Variants in FAM149B1 observed in about 807,000 individuals in gnomAD.
The protein encoded by FAM149B1 is primary cilium assembly protein FAM149B1.
FAM149B1 carries 56 observed loss-of-function variants against 75.3 expected under a neutral mutation model. That is an observed-to-expected ratio of 0.74 (90% CI 0.60 to 0.93). The LOEUF (loss-of-function observed/expected upper bound fraction) is 0.93. FAM149B1 is among the 40% of genes least tolerant of loss of function. The probability of loss-of-function intolerance (pLI) is 0.00; values close to 1 mark genes in which losing one functional copy is unlikely to be tolerated. For synonymous variants in FAM149B1, 259 were observed against 256.1 expected, an observed-to-expected ratio of 1.01 and a Z score of -0.11; for missense variants, 639 against 708.4, an observed-to-expected ratio of 0.90 and a Z score of 1.11.
chr10:73,210,359 T>C lies in FAM149B1; in HGVS notation c.819T>C (p.Tyr273=). The C allele has an allele frequency of 1.3e-6, 2 of 1,551,640 alleles. No homozygotes were observed. Among genetic ancestry groups the C allele is most frequent in the Non-Finnish European group, 8.7e-7 (1 of 1,146,862 alleles). The change falls in exon 7 of 14, where the codon TAT becomes TAC. Residue 273 remains tyrosine, a synonymous_variant. Transcript: ENST00000242505. The part of the protein sequence containing the change: ...FYCMKEDVLA[Y]VFDSVWCKVV... ...GCATGAAAGAAGATGTCCTTGCTTA[T>C]GTGTTTGACAGTGTATGGTGCAAGG...
chr10:73,174,843 G>T, intron 2 of FAM149B1, 52 bp downstream of exon 2: 1 of 1,317,350 alleles, frequency 7.6e-7, no homozygotes, highest in Non-Finnish European at 1.1e-6. Flanking sequence ...CATGGCAGAG[G>T]TTTTGTTTTT....
In FAM149B1 at chr10:73,232,862, G is replaced by C. The variant is rs878934997; in HGVS notation, c.1128-77G>C. On this transcript the variant is annotated intron_variant, in intron 9 of 13. Transcript: ENST00000242505. Reference sequence around the variant, plus strand: ...CCCTAAATGTAGTTTCTAGTCTAAGGCTTTTTACCCCGTTAGTCTTGTCTT... The same window carrying C: ...CCCTAAATGTAGTTTCTAGTCTAAGCCTTTTTACCCCGTTAGTCTTGTCTT... 4 of 876,250 alleles carry C rather than the reference G, an allele frequency of 4.6e-6. No individual in the cohort carries two copies. The South Asian group carries it at 5.9e-5, about 13-fold the overall frequency. 54.3% of individuals were successfully genotyped at this position (876,250 alleles called of 1,614,324 possible).
At chr10:73,236,834 G>A (rs2043834452) in intron 12 of FAM149B1, among the ~76,000 whole-genome samples, 1 of 151,254 alleles carries the variant, frequency 6.6e-6, no homozygotes, top group African/African-American at 2.4e-5. Flanking sequence ...TCTCACCTCA[G>A]CCTCCTGAGT....
At chr10:73,238,326 G>A (rs1260692377) in intron 12 of FAM149B1, among the ~76,000 whole-genome samples, 2 of 152,152 alleles carry the variant, frequency 1.3e-5, no homozygotes, top group African/African-American at 2.4e-5. Flanking sequence ...CAACCTGGGC[G>A]ACAGAGCGAG....
Position 73,187,422 on chromosome 10 carries a change from C to G in FAM149B1, c.283-5134C>G, listed in dbSNP as rs907845316. 1.7e-4 allele frequency among the ~76,000 whole-genome samples: 22 copies of G among 128,290 alleles called. No individual in the cohort carries two copies. The South Asian group carries it at 5.4e-3, about 31-fold the overall frequency. 84.2% of individuals were successfully genotyped at this position (128,290 alleles called of 152,430 possible). A position where few individuals can be genotyped will look rare whatever the true frequency, so the allele number is the denominator to read the frequency against. On this transcript the variant is annotated intron_variant, in intron 3 of 13. Transcript: ENST00000242505. ...AAAAAAAAAAAAAAAAAAATTGAAA[C>G]AGAAATAGAAAATTAGAGGACATAT...
Position 73,241,294 on chromosome 10 carries a change from C to T in FAM149B1, c.*275C>T. ...CCCAAAGATGCAACAGTGAATAATA[C>T]CCAAATCACTGCTCATGTTATCTCT... On this transcript the variant is annotated 3_prime_UTR_variant, in exon 14 of 14. Transcript: ENST00000242505. 2.4e-6 allele frequency: 1 copy of T among 413,350 alleles called. No individual in the cohort carries two copies. The highest frequency in any genetic ancestry group is 2.2e-5 in the South Asian group (1 of 46,084). The allele number at this position is 413,350 out of a possible 1,614,324, so 25.6% of individuals were successfully genotyped here. A position where few individuals can be genotyped will look rare whatever the true frequency, so the allele number is the denominator to read the frequency against.
chr10:73,175,084 C>A (rs1227646954), intron 2 of FAM149B1, among the ~76,000 whole-genome samples: 1 of 152,058 alleles, frequency 6.6e-6, no homozygotes, highest in African/African-American at 2.4e-5. Flanking sequence ...AAAAACAGAA[C>A]ATGGAGCTTG....
intron 4 of FAM149B1, among the ~76,000 whole-genome samples, 194 bp downstream of exon 4, chr10:73,192,892 C>G (rs2042716803): frequency 6.6e-6 from 1 of 152,184 alleles, no homozygotes; most frequent in Non-Finnish European, 1.5e-5. Flanking sequence ...CCTTAACTAA[C>G]AATATGTGAT....
At chr10:73,224,851 T>A (rs1181130263) in intron 7 of FAM149B1, among the ~76,000 whole-genome samples, 2 of 152,122 alleles carry the variant, frequency 1.3e-5, no homozygotes, top group Non-Finnish European at 2.9e-5. Context: ...TTGAACTAGA[T>A]AGAGGTAAGG....
intron 5 of FAM149B1, among the ~76,000 whole-genome samples, chr10:73,204,873 G>C (rs1268553509): frequency 7.1e-6 from 1 of 140,714 alleles, no homozygotes; most frequent in East Asian, 2.1e-4. Flanking sequence ...TGCCTCCTGG[G>C]TTCACGCCAT....
intron 5 of FAM149B1, among the ~76,000 whole-genome samples, chr10:73,202,553 C>T (rs919608514): frequency 2.3e-4 from 35 of 152,018 alleles, no homozygotes; most frequent in African/African-American, 7.7e-4. Flanking sequence ...CTTCCTCAGC[C>T]TCCCAAGTAG....
At chr10:73,171,990 T>TA (rs1175333422) in intron 1 of FAM149B1, among the ~76,000 whole-genome samples, 3 of 152,186 alleles carry the variant, frequency 2.0e-5, no homozygotes, top group Non-Finnish European at 4.4e-5. Context: ...AAACTGCAGA[T>TA]ACTGCCATTT....
At chr10:73,194,811 T>G (rs1465148028) in intron 5 of FAM149B1, among the ~76,000 whole-genome samples, 1 of 151,808 alleles carries the variant, frequency 6.6e-6, no homozygotes, top group Non-Finnish European at 1.5e-5. Context: ...AGCCTCCTGA[T>G]TAGCTGGGAT....
intron 7 of FAM149B1, among the ~76,000 whole-genome samples, chr10:73,210,764 A>C (rs897041510): frequency 6.6e-6 from 1 of 152,102 alleles, no homozygotes. Flanking sequence ...TCAAGTCTGC[A>C]GTGAGCTATG....
At chr10:73,195,612 G>C (rs2042786356) in intron 5 of FAM149B1, among the ~76,000 whole-genome samples, 2 of 152,076 alleles carry the variant, frequency 1.3e-5, no homozygotes, top group Admixed American at 6.6e-5. Flanking sequence ...AATCTTCAAG[G>C]AAATAAGAAA....
intron 11 of FAM149B1, 114 bp downstream of exon 11, chr10:73,235,054 AAC>A (rs746797586): frequency 1.7e-4 from 255 of 1,464,748 alleles, no homozygotes; most frequent in Non-Finnish European, 2.2e-4. Flanking sequence ...CAAAAGTACA[AAC>A]ACAGTGCTAA....
rs755086305 is a variant in FAM149B1 at position 73,241,032 on chromosome 10, G to C, written c.*13G>C. On this transcript the variant is annotated 3_prime_UTR_variant, in exon 14 of 14. Coordinates refer to ENST00000242505, the MANE Select transcript of FAM149B1 (RefSeq NM_173348.2). ...GCAGGGACCATAAGGCAAATGAGAAGAATCTATCAGGCTGCAGGAAACACG... is the reference window on the plus strand; with the variant it reads ...GCAGGGACCATAAGGCAAATGAGAACAATCTATCAGGCTGCAGGAAACACG... The C allele has an allele frequency of 2.1e-6, 3 of 1,441,846 alleles. No homozygotes were observed. Among genetic ancestry groups the C allele is most frequent in the African/African-American group, 3.0e-5 (2 of 67,414 alleles). 89.3% of individuals were successfully genotyped at this position (1,441,846 alleles called of 1,614,324 possible). A position where few individuals can be genotyped will look rare whatever the true frequency, so the allele number is the denominator to read the frequency against.
At chr10:73,180,041 T>A (rs1457820424) in intron 3 of FAM149B1, among the ~76,000 whole-genome samples, 1 of 152,170 alleles carries the variant, frequency 6.6e-6, no homozygotes, top group Non-Finnish European at 1.5e-5. Flanking sequence ...GAGACTTACA[T>A]GATTCAATAG....
chr10:73,225,639 T>C (rs2043524086), intron 7 of FAM149B1, among the ~76,000 whole-genome samples: 2 of 152,216 alleles, frequency 1.3e-5, no homozygotes, highest in South Asian at 2.1e-4. Flanking sequence ...AAATGTAGTG[T>C]AACCTAAATG....
Sources: gnomAD v4.1 joint callset for allele counts (sites outside exome capture counted in the v4.1 genomes callset) on GRCh38, gnomAD v4.1.1 for gene constraint, MANE v1.5 for transcripts, NCBI Gene and HGNC (gene_info 2026-07-23, HGNC 2026-07-21) for gene names.